The following C22orf31 variants were observed in gnomAD, a reference collection of about 807,000 sequenced individuals.
C22orf31 encodes the protein chromosome 22 open reading frame 31.
A neutral mutation model predicts 15.0 loss-of-function variants in C22orf31; 11 were observed. That is an observed-to-expected ratio of 0.73 (90% CI 0.46 to 1.21). C22orf31 has a LOEUF of 1.21. C22orf31 is among the 50% of genes most tolerant of loss of function. C22orf31 has a pLI of 0.00. For missense variants in C22orf31, 340 were observed against 347.2 expected (o/e 0.98, Z 0.17); for synonymous variants, 132 against 133.3 (o/e 0.99, Z 0.07).
At chr22:29,068,759 CTTTTTTTTTTTTT>C in the C22orf31 span, among the ~76,000 whole-genome samples, 1 of 113,118 alleles carries the variant, frequency 8.8e-6, no homozygotes, top group Non-Finnish European at 1.7e-5. Flanking sequence ...CAACCTGGTA[CTTTTTTTTTTTTT>C]TTTTTTTTTT....
chr22:29,070,847 T>C, the C22orf31 span, among the ~76,000 whole-genome samples: 77,200 of 151,674 alleles, frequency 0.51, 20,452 homozygotes, highest in Middle Eastern at 0.64. Flanking sequence ...TCGGAATTTG[T>C]GTGTTTTCAG....
upstream of C22orf31, chr22:29,061,833 G>A (rs1426591620): frequency 6.1e-6 from 9 of 1,482,170 alleles, no homozygotes; most frequent in Non-Finnish European, 7.4e-6. Flanking sequence ...AGCTTAGTAA[G>A]GGGAAGAAAT....
At chr22:29,068,706 G>A in the C22orf31 span, among the ~76,000 whole-genome samples, 2 of 150,972 alleles carry the variant, frequency 1.3e-5, no homozygotes, top group East Asian at 1.9e-4. Flanking sequence ...CACCGTGCCC[G>A]GCAAGACCCT....
chr22:29,071,150 G>C, the C22orf31 span, among the ~76,000 whole-genome samples: 2 of 151,960 alleles, frequency 1.3e-5, no homozygotes, highest in African/African-American at 4.8e-5. Flanking sequence ...GGGATCACCG[G>C]TGGCAGGAGG....
At chr22:29,060,038 T>TA (rs1315055124) in intron 2 of C22orf31, 37 of 888,290 alleles carry the variant, frequency 4.2e-5, no homozygotes, top group East Asian at 1.2e-4. Context: ...TTTTTTTTTT[T>TA]TTTTTATTTT....
In C22orf31 at chr22:29,058,891, C is replaced by T; in HGVS notation, c.724G>A (p.Ala242Thr). Residue 242 changes from alanine (A) to threonine (T), a missense_variant, in exon 3 of 3, where the codon GCC (alanine) becomes ACC (threonine). Coordinates refer to ENST00000216071, the MANE Select transcript of C22orf31 (RefSeq NM_015370.2). Reference sequence around the variant, plus strand: ...GCCTCCCAGAGCTTTTGTTTAATGGCCTTGCCCAGCTCCAGGCTGTACCTC... The same window carrying T: ...GCCTCCCAGAGCTTTTGTTTAATGGTCTTGCCCAGCTCCAGGCTGTACCTC... ...PKRYSLELGK[A>T]IKQKLWEALC... 6.2e-7 allele frequency: 1 copy of T among 1,614,176 alleles called. No homozygotes were observed.
At chr22:29,073,075 C>T in the C22orf31 span, 2 of 480,192 alleles carry the variant, frequency 4.2e-6, no homozygotes, top group South Asian at 1.7e-4. This position sits in a 1 kb window ranked among gnomAD's most constrained non-coding sequence, Gnocchi z 4.4. Flanking sequence ...GCCCCCGGCT[C>T]CCCGCGCTGC....
At chr22:29,065,950 A>T (rs1046299581), upstream of C22orf31, among the ~76,000 whole-genome samples, 1 of 152,156 alleles carries the variant, frequency 6.6e-6, no homozygotes, top group South Asian at 2.1e-4. Flanking sequence ...GTGCTTCCTG[A>T]CATATCTAAA....
At chr22:29,073,825 C>G in the C22orf31 span, among the ~76,000 whole-genome samples, 1 of 152,034 alleles carries the variant, frequency 6.6e-6, no homozygotes. This position sits in a 1 kb window ranked among gnomAD's most constrained non-coding sequence, Gnocchi z 4.4. Context: ...CGGGACGACC[C>G]CTGCTCCCCA....
the C22orf31 span, among the ~76,000 whole-genome samples, chr22:29,071,393 T>G: frequency 9.7e-6 from 1 of 102,950 alleles, no homozygotes; most frequent in East Asian, 2.7e-4. Context: ...CGAGCAGCCG[T>G]GGGTGGGGAA....
the C22orf31 span, among the ~76,000 whole-genome samples, chr22:29,070,111 A>G: frequency 2.6e-5 from 4 of 151,836 alleles, no homozygotes; most frequent in African/African-American, 9.7e-5. Context: ...AAGCCCGGAT[A>G]ATTTTTTGTG....
upstream of C22orf31, among the ~76,000 whole-genome samples, chr22:29,063,780 A>T (rs533399283): frequency 6.6e-6 from 1 of 152,346 alleles, no homozygotes; most frequent in South Asian, 2.1e-4. Context: ...TGTTTTACAG[A>T]TAAAGAAACT....
chr22:29,058,932 G>A lies in C22orf31; in HGVS notation c.683C>T (p.Pro228Leu), dbSNP rs2037349213. 2 of 1,614,186 alleles carry A rather than the reference G, an allele frequency of 1.2e-6. No homozygotes were observed. Among genetic ancestry groups the A allele is most frequent in the East Asian group, 4.5e-5 (2 of 44,884 alleles). The part of the protein sequence containing the change: ...HAVVEPMLWN[P>L]SGTPKRYSLE... The stretch of plus-strand genomic sequence containing the variant: ...GCTGTACCTCTTGGGGGTCCCTGAA[G>A]GATTCCACAGCATTGGCTCCACCAC... Residue 228 changes from proline (P) to leucine (L), a missense_variant, in exon 3 of 3, where the codon CCT (proline) becomes CTT (leucine). By Grantham distance (98) the Pro-to-Leu change is moderately conservative. Coordinates refer to ENST00000216071, the MANE Select transcript of C22orf31 (RefSeq NM_015370.2).
chr22:29,063,785 G>C (rs2037411753), upstream of C22orf31, among the ~76,000 whole-genome samples: 1 of 152,202 alleles, frequency 6.6e-6, no homozygotes. Context: ...TACAGATAAA[G>C]AAACTGAGGC....
chr22:29,067,325 C>T, the C22orf31 span, among the ~76,000 whole-genome samples: 1 of 151,650 alleles, frequency 6.6e-6, no homozygotes, highest in Non-Finnish European at 1.5e-5. Context: ...GTGCCTGAGG[C>T]ACATACTTCA....
chr22:29,066,539 C>CTTTTTTTTTTTTTTTTTTTTTTTTTTTTT (rs134565), upstream of C22orf31, among the ~76,000 whole-genome samples: 14 of 70,230 alleles, frequency 2.0e-4, 1 homozygote, highest in Admixed American at 7.0e-4. Context: ...CTTTTCTTTT[C>CTTTTTTTTTTTTTTTTTTTTTTTTTTTTT]TTTTTTTTTT....
At chr22:29,064,914 C>G (rs6005979), upstream of C22orf31, among the ~76,000 whole-genome samples, 1 of 151,886 alleles carries the variant, frequency 6.6e-6, no homozygotes, top group Non-Finnish European at 1.5e-5. Flanking sequence ...AGTGCAATGG[C>G]ACATTCTCAG....
At chr22:29,062,679 G>C (rs1291285573), upstream of C22orf31, among the ~76,000 whole-genome samples, 1 of 151,996 alleles carries the variant, frequency 6.6e-6, no homozygotes, top group Non-Finnish European at 1.5e-5. Context: ...CGCATGTGTT[G>C]CCTGCTTGCG....
the C22orf31 span, among the ~76,000 whole-genome samples, chr22:29,072,065 T>A: frequency 6.6e-6 from 1 of 152,092 alleles, no homozygotes; most frequent in East Asian, 1.9e-4. Context: ...AAACTTGGGG[T>A]GGAGAAAGAA....
Sources: gnomAD v4.1 joint callset for allele counts (sites outside exome capture counted in the v4.1 genomes callset) on GRCh38, gnomAD v4.1.1 for gene constraint, Gnocchi (gnomAD v3.1) non-coding constraint, MANE v1.5 for transcripts, NCBI Gene and HGNC (gene_info 2026-07-23, HGNC 2026-07-21) for gene names.